Variants in PTGES3L observed in about 807,000 individuals in gnomAD.
PTGES3L encodes the protein putative protein PTGES3L.
PTGES3L carries 17 observed loss-of-function variants against 25.0 expected under a neutral mutation model. That is an observed-to-expected ratio of 0.68 (90% CI 0.47 to 1.02). The LOEUF (loss-of-function observed/expected upper bound fraction) is 1.02, where lower values mean the gene tolerates loss of function less well. Among genes scored for constraint, PTGES3L ranks in the 50% least tolerant of loss-of-function variants. The pLI is 0.00. For missense variants in PTGES3L, 202 were observed against 197.5 expected (o/e 1.02, Z -0.14); for synonymous variants, 59 against 65.7 (o/e 0.90, Z 0.50).
chr17:42,977,695 A>G (rs1375051907), intron 4 of PTGES3L, among the ~76,000 whole-genome samples: 3 of 149,342 alleles, frequency 2.0e-5, no homozygotes, highest in African/African-American at 5.0e-5. Context: ...AAGAAAGAAA[A>G]GAAAGAAAGA....
In PTGES3L at chr17:42,973,564, G is replaced by A. The variant is rs1054181482; in HGVS notation, c.289-1868C>T. Reference sequence around the variant, plus strand: ...TGTGGAATAGAAAGGCGGAAAAGGTGGGGAAAAGATTGAGAAATCGGATGG... The same window carrying A: ...TGTGGAATAGAAAGGCGGAAAAGGTAGGGAAAAGATTGAGAAATCGGATGG... On this transcript the variant is annotated intron_variant, in intron 4 of 6. Coordinates refer to ENST00000591916, the MANE Select transcript of PTGES3L (RefSeq NM_001261430.2). 1.6e-3 allele frequency among the ~76,000 whole-genome samples: 239 copies of A among 152,062 alleles called. 1 individual carries two copies. Among genetic ancestry groups the A allele is most frequent in the Admixed American group, 2.9e-3 (44 of 15,266 alleles).
chr17:42,971,909 G>A, intron 4 of PTGES3L: 1 of 518,102 alleles, frequency 1.9e-6, no homozygotes, highest in South Asian at 2.1e-5. Flanking sequence ...CTACCCTCCG[G>A]CCAGGCGTGG....
chr17:42,974,044 A>G (rs1397223360), intron 4 of PTGES3L, among the ~76,000 whole-genome samples: 1 of 152,022 alleles, frequency 6.6e-6, no homozygotes, highest in Non-Finnish European at 1.5e-5. Flanking sequence ...ATAAAGCAAC[A>G]TAGGAGTCAA....
intron 5 of PTGES3L, 82 bp downstream of exon 5, chr17:42,971,525 G>A: frequency 6.6e-7 from 1 of 1,514,814 alleles, no homozygotes; most frequent in South Asian, 1.2e-5. Context: ...CTTGGCCCCA[G>A]TGACAATCCT....
rs57542042 is a variant in PTGES3L at position 42,970,676 on chromosome 17, GCACACACACACACA to G, written c.379-348_379-335del. ...CATGAAGTTGTCTGGCTTAACACGC[GCACACACACACACA>G]CACACACACACACACACACACACAC... is the stretch of plus-strand genomic sequence containing the variant. On this transcript the variant is annotated intron_variant, in intron 5 of 6. Coordinates refer to ENST00000591916, the MANE Select transcript of PTGES3L (RefSeq NM_001261430.2). 6.4e-3 allele frequency among the ~76,000 whole-genome samples: 923 copies of G among 143,752 alleles called. 11 individuals are homozygous for G. Among genetic ancestry groups the G allele is most frequent in the East Asian group, 0.041 (199 of 4,912 alleles). 94.3% of individuals were successfully genotyped at this position (143,752 alleles called of 152,430 possible).
chr17:42,970,675 C>CGCGT (rs1418517839), intron 5 of PTGES3L, among the ~76,000 whole-genome samples: 2 of 88,580 alleles, frequency 2.3e-5, no homozygotes, highest in Non-Finnish European at 4.6e-5. Flanking sequence ...GCTTAACACG[C>CGCGT]GCACACACAC....
At chr17:42,977,026 C>A (rs1461984172) in intron 4 of PTGES3L, among the ~76,000 whole-genome samples, 2 of 152,138 alleles carry the variant, frequency 1.3e-5, no homozygotes, top group Non-Finnish European at 2.9e-5. Context: ...TGTGGTGGCT[C>A]ATGCCTGTAA....
chr17:42,976,720 G>C (rs1367969539), intron 4 of PTGES3L, among the ~76,000 whole-genome samples: 1 of 152,276 alleles, frequency 6.6e-6, no homozygotes, highest in South Asian at 2.1e-4. Flanking sequence ...AAACAAATCT[G>C]AGAGCCAGAT....
intron 1 of PTGES3L, 121 bp from the exon 2 acceptor site, chr17:42,979,784 C>A: frequency 6.9e-7 from 1 of 1,451,834 alleles, no homozygotes; most frequent in Admixed American, 2.1e-5. Context: ...CTAAATGAGA[C>A]AGAAGGGGTG....
chr17:42,970,676 G>GCGCGCACACACACACA (rs1490786473), intron 5 of PTGES3L, among the ~76,000 whole-genome samples: 83 of 144,186 alleles, frequency 5.8e-4, no homozygotes, highest in African/African-American at 2.1e-3. Context: ...CTTAACACGC[G>GCGCGCACACACACACA]CACACACACA....
chr17:42,974,079 C>T (rs1001570091), intron 4 of PTGES3L, among the ~76,000 whole-genome samples: 23 of 151,870 alleles, frequency 1.5e-4, no homozygotes, highest in African/African-American at 5.1e-4. Context: ...AAGCTGCAGC[C>T]AGGCGCAGTG....
Position 42,979,648 on chromosome 17 carries a change from G to C in PTGES3L, c.24C>G (p.Thr8=). Residue 8 remains threonine, a synonymous_variant, in exon 2 of 7, where the codon ACC becomes ACG. Coordinates refer to ENST00000591916, the MANE Select transcript of PTGES3L (RefSeq NM_001261430.2). ...CATACCTGGGCCTGTCGTACCACAA[G>C]GTCCGGGCGTGCTGCCTGAAGAGAA... MARQHAR[T]LWYDRPRYVF... The C allele has an allele frequency of 6.2e-7, 1 of 1,614,094 alleles. No homozygotes were observed. The highest frequency in any genetic ancestry group is 8.5e-7 in the Non-Finnish European group (1 of 1,180,014).
intron 4 of PTGES3L, among the ~76,000 whole-genome samples, chr17:42,975,060 C>G (rs143714819): frequency 7.0e-6 from 1 of 143,098 alleles, no homozygotes; most frequent in African/African-American, 2.6e-5. Context: ...TGCTTGAGCC[C>G]AGAAGGGCAA....
At chr17:42,969,329 A>C (rs1319165355) in intron 6 of PTGES3L, 143 bp from the exon 7 acceptor site, 2 of 492,168 alleles carry the variant, frequency 4.1e-6, no homozygotes, top group Non-Finnish European at 7.3e-6. Context: ...GGGGGCTAAT[A>C]TGAAAGGTTT....
chr17:42,972,967 C>G (rs1341524827), intron 4 of PTGES3L, among the ~76,000 whole-genome samples: 1 of 144,478 alleles, frequency 6.9e-6, no homozygotes, highest in East Asian at 2.2e-4. Flanking sequence ...AGCACCTCTG[C>G]CCCGCTGCCC....
intron 4 of PTGES3L, among the ~76,000 whole-genome samples, chr17:42,974,697 C>T (rs527413199): frequency 2.7e-5 from 4 of 150,634 alleles, no homozygotes; most frequent in Non-Finnish European, 4.4e-5. Context: ...TACTGGAACC[C>T]GGAAGGTGGA....
intron 5 of PTGES3L, among the ~76,000 whole-genome samples, chr17:42,970,717 C>CACAG (rs2049821056): frequency 7.4e-6 from 1 of 135,896 alleles, no homozygotes; most frequent in Non-Finnish European, 1.6e-5. Flanking sequence ...CACACACACA[C>CACAG]AGAGGCCGGG....
chr17:42,979,107 G>A (rs1269830760), intron 4 of PTGES3L, 63 bp downstream of exon 4: 2 of 1,574,348 alleles, frequency 1.3e-6, no homozygotes. Context: ...AGGAGGCAAG[G>A]ACAATCCCAG....
chr17:42,979,445 C>CT lies in PTGES3L; in HGVS notation c.123-2dup. ...CTCCACTCCATCGGCATTCTTGCAG[C>CT]TGAGGAGACAATGAAGCTGAGGAGA... On this transcript the variant is annotated splice_acceptor_variant, in intron 2 of 6. Coordinates refer to ENST00000591916, the MANE Select transcript of PTGES3L (RefSeq NM_001261430.2). LOFTEE classifies it high-confidence loss of function. The CT allele has an allele frequency of 6.2e-7, 1 of 1,614,192 alleles. No individual in the cohort carries two copies. Among genetic ancestry groups the CT allele is most frequent in the South Asian group, 1.1e-5 (1 of 91,084 alleles).
Sources: allele counts gnomAD v4.1 joint callset (sites outside exome capture counted in the v4.1 genomes callset), GRCh38; gene constraint gnomAD v4.1.1; transcripts MANE v1.5; gene names NCBI Gene and HGNC (gene_info 2026-07-23, HGNC 2026-07-21).